The following GPC6 variants were observed in gnomAD, a reference collection of about 807,000 sequenced individuals.
GPC6 encodes glypican 6, also known as glypican-6.
A neutral mutation model predicts 55.2 loss-of-function variants in GPC6; 14 were observed. The ratio of observed to expected loss-of-function variants is 0.25; its 90% CI spans 0.17 to 0.40. GPC6 has a LOEUF of 0.40. Ranked by LOEUF, GPC6 falls within the 10% of genes least tolerant of loss-of-function variation. The pLI is 1.00. For synonymous variants in GPC6, 278 were observed against 259.6 expected, an observed-to-expected ratio of 1.07 and a Z score of -0.68; for missense variants, 641 against 708.5, an observed-to-expected ratio of 0.90 and a Z score of 1.08.
chr13:93,866,945 A>G (rs1888983798), intron 3 of GPC6, among the ~76,000 whole-genome samples: 1 of 151,830 alleles, frequency 6.6e-6, no homozygotes, highest in Non-Finnish European at 1.5e-5. Flanking sequence ...AGCAAAAATT[A>G]AAGTTCAGAA....
intron 1 of GPC6, among the ~76,000 whole-genome samples, chr13:93,469,768 GA>G (rs1879042473): frequency 2.0e-5 from 3 of 152,000 alleles, no homozygotes; most frequent in Non-Finnish European, 4.4e-5. Flanking sequence ...AACTTTTGTA[GA>G]AAGTATGAAA....
At chr13:94,075,670 T>G (rs1360459623) in intron 4 of GPC6, among the ~76,000 whole-genome samples, 1 of 152,176 alleles carries the variant, frequency 6.6e-6, no homozygotes, top group Non-Finnish European at 1.5e-5. Context: ...TCTATGAGTT[T>G]GACTATTTCA....
upstream of GPC6, among the ~76,000 whole-genome samples, chr13:93,224,325 G>A (rs1478537861): frequency 2.0e-5 from 3 of 151,806 alleles, no homozygotes; most frequent in Non-Finnish European, 4.4e-5. Context: ...CTCCCGAGGA[G>A]CTGAGATTAC....
At chr13:93,467,470 C>T (rs1167731774) in intron 1 of GPC6, among the ~76,000 whole-genome samples, 1 of 151,990 alleles carries the variant, frequency 6.6e-6, no homozygotes, top group African/African-American at 2.4e-5. Context: ...ACTGTCATAC[C>T]CACTGGTATG....
At chr13:93,969,094 C>T in intron 3 of GPC6, among the ~76,000 whole-genome samples, 1 of 152,142 alleles carries the variant, frequency 6.6e-6, no homozygotes, top group East Asian at 1.9e-4. Context: ...TCATCTAGCA[C>T]CAACCGAAGA....
At chr13:94,369,756 C>T (rs1879453539) in intron 6 of GPC6, among the ~76,000 whole-genome samples, 1 of 151,532 alleles carries the variant, frequency 6.6e-6, no homozygotes, top group East Asian at 2.0e-4. Context: ...CTCTCTCTTG[C>T]TCTGGGGGTA....
chr13:93,939,096 C>CA lies in GPC6; in HGVS notation c.712-88625dup, dbSNP rs557606039. Among the ~76,000 whole-genome samples, 211 of 146,122 alleles carry CA rather than the reference C, an allele frequency of 1.4e-3. 2 individuals are homozygous for CA. Among genetic ancestry groups the CA allele is most frequent in the African/African-American group, 5.2e-3 (204 of 39,516 alleles). On this transcript the variant is annotated intron_variant, in intron 3 of 8. Coordinates refer to ENST00000377047, the MANE Select transcript of GPC6 (RefSeq NM_005708.5). ...TGGCCTGCTGACGGAGACGCTGTGT[C>CA]AAAAAAAATAAAAAATAAATAAATA...
chr13:93,781,406 A>T (rs905248195), intron 2 of GPC6, among the ~76,000 whole-genome samples: 1 of 152,220 alleles, frequency 6.6e-6, no homozygotes, highest in Admixed American at 6.5e-5. Context: ...TGTAAATGAA[A>T]AGCCAAGGTT....
chr13:93,999,335 C>T (rs1881697166), intron 3 of GPC6, among the ~76,000 whole-genome samples: 1 of 152,150 alleles, frequency 6.6e-6, no homozygotes, highest in Admixed American at 6.6e-5. Context: ...CCAGCTTCAT[C>T]CATGTACCTG....
At chr13:93,343,585 GTTTAT>G (rs1471864073) in intron 1 of GPC6, among the ~76,000 whole-genome samples, 3 of 152,124 alleles carry the variant, frequency 2.0e-5, no homozygotes, top group Non-Finnish European at 4.4e-5. Context: ...TTTGCATCAT[GTTTAT>G]TTTATTACTC....
At chr13:94,362,432 T>A (rs1038663450) in intron 6 of GPC6, among the ~76,000 whole-genome samples, 1 of 152,198 alleles carries the variant, frequency 6.6e-6, no homozygotes, top group Non-Finnish European at 1.5e-5. Flanking sequence ...TTGGCTCTGG[T>A]AGACCTCATT....
chr13:93,311,008 A>G (rs1566292501), intron 1 of GPC6, among the ~76,000 whole-genome samples: 1 of 152,224 alleles, frequency 6.6e-6, no homozygotes, highest in Non-Finnish European at 1.5e-5. Context: ...GTTATCTAAG[A>G]ATATCCTTTC....
chr13:93,498,511 A>T (rs1343033801), intron 1 of GPC6, among the ~76,000 whole-genome samples: 1 of 152,154 alleles, frequency 6.6e-6, no homozygotes, highest in Non-Finnish European at 1.5e-5. Flanking sequence ...GGAGGAATTG[A>T]ATCATGGAGG....
rs146990674 is a variant in GPC6 at position 94,403,116 on chromosome 13, G to A, written c.1567G>A (p.Asp523Asn). 203 of 1,613,676 alleles carry A rather than the reference G, an allele frequency of 1.3e-4. No individual in the cohort carries two copies. Among genetic ancestry groups the A allele is most frequent in the Non-Finnish European group, 1.5e-4 (176 of 1,179,662 alleles). The change falls in exon 9 of 9, where the codon GAC (aspartate) becomes AAC (asparagine). Residue 523 changes from aspartate to asparagine, a missense_variant. Transcript: ENST00000377047. ...CACAGAGGCCCCCGCAGTGGATCCC[G>A]ACCGGAGAGAGGTGGACTCTTCTGC... ...VTTEAPAVDP[D>N]RREVDSSAAQ...
At chr13:93,914,022 C>A (rs989482816) in intron 3 of GPC6, among the ~76,000 whole-genome samples, 2 of 152,146 alleles carry the variant, frequency 1.3e-5, no homozygotes, top group African/African-American at 4.8e-5. Flanking sequence ...CTGTTTTATT[C>A]TATTGATCTA....
intron 4 of GPC6, among the ~76,000 whole-genome samples, chr13:94,123,674 T>TG (rs1491262044): frequency 8.6e-5 from 13 of 151,682 alleles, no homozygotes; most frequent in Admixed American, 5.9e-4. Flanking sequence ...TGTGTGTGTG[T>TG]TTGTATGCAT....
Position 94,398,605 on chromosome 13 carries a change from G to T in GPC6, c.1429G>T (p.Ala477Ser). ...TGTGATGACCAACAAACTAAAAAAC[G>T]CCTACAATGGCAATGATGTCAATTT... ...LRVMTNKLKN[A>S]YNGNDVNFQD... is the part of the protein sequence containing the mutation. The change falls in exon 8 of 9, where the codon GCC becomes TCC. Residue 477 changes from alanine to serine, a missense_variant. Ala to Ser is a moderately conservative substitution (Grantham distance 99). Transcript: ENST00000377047. The T allele has an allele frequency of 1.2e-6, 2 of 1,614,052 alleles. No individual in the cohort carries two copies. Among genetic ancestry groups the T allele is most frequent in the South Asian group, 2.2e-5 (2 of 91,072 alleles).
chr13:93,879,753 A>G (rs983740614), intron 3 of GPC6, among the ~76,000 whole-genome samples: 20 of 152,274 alleles, frequency 1.3e-4, no homozygotes, highest in African/African-American at 4.1e-4. Context: ...ACAGCAAAAG[A>G]AACTACCATC....
rs554713234 is a variant in GPC6 at position 93,254,707 on chromosome 13, TA to T, written c.160+27101del. Among the ~76,000 whole-genome samples, 602 of 148,210 alleles carry T rather than the reference TA, an allele frequency of 4.1e-3. 4 individuals carry two copies. The highest frequency in any genetic ancestry group is 0.01 in the African/African-American group (410 of 40,480). ...GTTTTAAGTAAGTTCTGGAATTATA[TA>T]AAAAAAAAATAGAGAGAGTGAGGAT... On this transcript the variant is annotated intron_variant, in intron 1 of 8. Coordinates refer to ENST00000377047, the MANE Select transcript of GPC6 (RefSeq NM_005708.5).
Sources: allele counts gnomAD v4.1 joint callset (sites outside exome capture counted in the v4.1 genomes callset), GRCh38; gene constraint gnomAD v4.1.1; transcripts MANE v1.5; gene names NCBI Gene and HGNC (gene_info 2026-07-23, HGNC 2026-07-21).